The following CNBD1 variants were observed in gnomAD, a reference collection of about 807,000 sequenced individuals.
CNBD1 encodes cyclic nucleotide-binding domain-containing protein 1.
Under a neutral mutation model 54.4 loss-of-function variants are expected in CNBD1, and 71 were observed. That is an observed-to-expected ratio of 1.30 (90% CI 1.08 to 1.59). The LOEUF (loss-of-function observed/expected upper bound fraction) is 1.59. Ranked by LOEUF, CNBD1 falls within the 40% of genes most tolerant of loss-of-function variation. CNBD1 has a pLI of 0.00. For missense variants in CNBD1, 659 were observed against 518.0 expected, an observed-to-expected ratio of 1.27 and a Z score of -2.64; for synonymous variants, 182 against 170.7, an observed-to-expected ratio of 1.07 and a Z score of -0.51.
chr8:87,254,620 A>G (rs560001420), intron 6 of CNBD1, among the ~76,000 whole-genome samples: 1 of 152,238 alleles, frequency 6.6e-6, no homozygotes, highest in South Asian at 2.1e-4. Flanking sequence ...TAACAAAGAT[A>G]TGGATAATTT....
chr8:87,224,233 G>A (rs2130812067), intron 5 of CNBD1, among the ~76,000 whole-genome samples: 1 of 150,604 alleles, frequency 6.6e-6, no homozygotes, highest in East Asian at 2.0e-4. Flanking sequence ...CTGTGCAGAA[G>A]CTCTTTAGTT....
At chr8:87,122,794 A>G (rs768548559) in intron 4 of CNBD1, among the ~76,000 whole-genome samples, 10 of 151,882 alleles carry the variant, frequency 6.6e-5, no homozygotes, top group Non-Finnish European at 1.2e-4. Context: ...CAGCTTTCCC[A>G]AGAGCATAAT....
At chr8:87,394,741 A>C (rs1811378078) in intron 2 of CNBD1, among the ~76,000 whole-genome samples, 1 of 151,930 alleles carries the variant, frequency 6.6e-6, no homozygotes, top group Admixed American at 6.6e-5. Context: ...ATTTTTTAAC[A>C]AATTGTTTTA....
chr8:87,206,513 G>T (rs1347787155), intron 5 of CNBD1, among the ~76,000 whole-genome samples: 1 of 151,972 alleles, frequency 6.6e-6, no homozygotes, highest in Non-Finnish European at 1.5e-5. Flanking sequence ...CCACACTTGT[G>T]GAACCAATAT....
At chr8:87,210,150 G>T (rs1453216545) in intron 5 of CNBD1, among the ~76,000 whole-genome samples, 1 of 152,186 alleles carries the variant, frequency 6.6e-6, no homozygotes. Flanking sequence ...ATCTGTAGAA[G>T]AAATTTCTAA....
At chr8:87,143,533 G>A (rs1481173066) in intron 4 of CNBD1, among the ~76,000 whole-genome samples, 1 of 152,144 alleles carries the variant, frequency 6.6e-6, no homozygotes, top group Non-Finnish European at 1.5e-5. Context: ...TTTAAAGAAT[G>A]TAAAGTAATC....
intron 6 of CNBD1, among the ~76,000 whole-genome samples, chr8:87,273,081 C>A (rs575608266): frequency 1.3e-5 from 2 of 151,768 alleles, no homozygotes; most frequent in South Asian, 4.2e-4. Flanking sequence ...ATCAATTTCC[C>A]CTAATAATAG....
At chr8:87,130,600 G>A (rs542496265) in intron 4 of CNBD1, among the ~76,000 whole-genome samples, 2 of 151,954 alleles carry the variant, frequency 1.3e-5, no homozygotes, top group South Asian at 4.2e-4. Context: ...AACATGGTGA[G>A]ACACCGTCTT....
intron 8 of CNBD1, among the ~76,000 whole-genome samples, chr8:87,344,036 G>A (rs1387728828): frequency 2.6e-5 from 4 of 152,166 alleles, no homozygotes; most frequent in Non-Finnish European, 5.9e-5. Context: ...ATATTCTAAT[G>A]TATAGAATGG....
intron 4 of CNBD1, among the ~76,000 whole-genome samples, chr8:87,014,258 C>CT (rs1432189764): frequency 8.4e-6 from 1 of 119,448 alleles, no homozygotes; most frequent in African/African-American, 3.2e-5. Context: ...TCAGCAATGT[C>CT]TTTAGAATTG....
At chr8:86,887,651 A>T in intron 2 of CNBD1, 40 bp downstream of exon 2, 1 of 1,374,684 alleles carries the variant, frequency 7.3e-7, no homozygotes. Context: ...CATTCAAATG[A>T]ATATGAGTAT....
At chr8:87,222,293 T>A (rs1029533615) in intron 5 of CNBD1, among the ~76,000 whole-genome samples, 4 of 151,850 alleles carry the variant, frequency 2.6e-5, no homozygotes, top group African/African-American at 9.7e-5. Context: ...TTAATTAAGC[T>A]TTCATTTATT....
intron 6 of CNBD1, among the ~76,000 whole-genome samples, chr8:87,264,060 A>G (rs539142894): frequency 6.6e-6 from 1 of 152,130 alleles, no homozygotes; most frequent in South Asian, 2.1e-4. Context: ...GGTTTGTTAC[A>G]TATGTATACA....
chr8:87,022,009 T>G (rs1393255751), intron 4 of CNBD1, among the ~76,000 whole-genome samples: 1 of 152,200 alleles, frequency 6.6e-6, no homozygotes, highest in African/African-American at 2.4e-5. Context: ...AGGCGAGGAA[T>G]TTGTGCATGT....
At chr8:87,008,684 A>C (rs80085312) in intron 4 of CNBD1, among the ~76,000 whole-genome samples, 1,627 of 152,296 alleles carry the variant, frequency 0.011, 29 homozygotes, top group African/African-American at 0.036. Context: ...CAGGAAACAA[A>C]ACTGAGTTGA....
chr8:86,972,682 A>G (rs929057753), intron 4 of CNBD1, among the ~76,000 whole-genome samples: 13 of 152,198 alleles, frequency 8.5e-5, no homozygotes, highest in Non-Finnish European at 2.9e-5. Context: ...TGACTTTTAC[A>G]AACTGCATCA....
chr8:87,309,866 G>A (rs994163909), intron 8 of CNBD1, among the ~76,000 whole-genome samples: 5 of 151,966 alleles, frequency 3.3e-5, no homozygotes, highest in African/African-American at 1.2e-4. Context: ...AAAATAAAAG[G>A]TGTCCAAATA....
chr8:87,366,422 T>C (rs1810643254), intron 10 of CNBD1, among the ~76,000 whole-genome samples: 4 of 152,068 alleles, frequency 2.6e-5, no homozygotes, highest in Admixed American at 2.6e-4. Flanking sequence ...CCTCTCCATC[T>C]CAGCAATGAA....
chr8:87,351,400 A>T (rs997194495), intron 8 of CNBD1, among the ~76,000 whole-genome samples: 14 of 152,178 alleles, frequency 9.2e-5, no homozygotes, highest in African/African-American at 3.4e-4. Context: ...GGTTTCTTCT[A>T]TATTCCCCTT....
Sources: gnomAD v4.1 joint callset for allele counts (sites outside exome capture counted in the v4.1 genomes callset) on GRCh38, gnomAD v4.1.1 for gene constraint, MANE v1.5 for transcripts, NCBI Gene and HGNC (gene_info 2026-07-23, HGNC 2026-07-21) for gene names.